SLAMF6: variants seen among roughly 807,000 people sequenced by gnomAD.
SLAMF6 encodes NK-T-B-antigen.
Under a neutral mutation model 38.3 loss-of-function variants are expected in SLAMF6, and 21 were observed. The ratio of observed to expected loss-of-function variants is 0.55; its 90% CI spans 0.39 to 0.79. The LOEUF is 0.79. SLAMF6 is among the 30% of genes least tolerant of loss of function. The probability of loss-of-function intolerance (pLI) is 0.00; values close to 1 mark genes in which losing one functional copy is unlikely to be tolerated. For synonymous variants in SLAMF6, 152 were observed against 146.3 expected, an observed-to-expected ratio of 1.04 and a Z score of -0.28; for missense variants, 341 against 385.3, an observed-to-expected ratio of 0.89 and a Z score of 0.96.
chr1:160,497,440 CTAG>C (rs1473909695), intron 1 of SLAMF6, among the ~76,000 whole-genome samples: 1 of 152,186 alleles, frequency 6.6e-6, no homozygotes, highest in Admixed American at 6.5e-5. Flanking sequence ...TGGAAATGTT[CTAG>C]TGGGTCAATG....
chr1:160,485,073 C>CAT lies in SLAMF6; in HGVS notation c.*1633_*1634insAT, dbSNP rs1332291624. 1 of 152,004 alleles carries CAT rather than the reference C, an allele frequency of 6.6e-6. No individual in the cohort carries two copies. The highest frequency in any genetic ancestry group is 1.5e-5 in the Non-Finnish European group (1 of 68,006). The allele number at this position is 152,004 out of a possible 1,614,324, so 9.4% of individuals were successfully genotyped here. On this transcript the variant is annotated 3_prime_UTR_variant, in exon 8 of 8. Transcript: ENST00000368057. Reference sequence around the variant, plus strand: ...TATTTTATTTATTTATTTTTTGAGACAGAGTCTCACTCTGTCACCCAGACT... The same window carrying CAT: ...TATTTTATTTATTTATTTTTTGAGACATAGAGTCTCACTCTGTCACCCAGACT...
intron 1 of SLAMF6, among the ~76,000 whole-genome samples, chr1:160,504,371 T>C (rs1008714492): frequency 6.6e-6 from 1 of 152,144 alleles, no homozygotes; most frequent in Non-Finnish European, 1.5e-5. Flanking sequence ...AATGTCATGT[T>C]GTACAGCTTA....
intron 1 of SLAMF6, among the ~76,000 whole-genome samples, chr1:160,512,318 C>G: frequency 6.6e-6 from 1 of 152,170 alleles, no homozygotes; most frequent in Admixed American, 6.5e-5. Context: ...GTGGGAATTT[C>G]AGCAACTCCA....
At chr1:160,500,698 C>T (rs969793538) in intron 1 of SLAMF6, among the ~76,000 whole-genome samples, 1 of 152,216 alleles carries the variant, frequency 6.6e-6, no homozygotes, top group African/African-American at 2.4e-5. Context: ...TCTGTTTTGT[C>T]TACTATTGTG....
chr1:160,512,165 C>A (rs1269718934), intron 1 of SLAMF6, among the ~76,000 whole-genome samples: 2 of 152,182 alleles, frequency 1.3e-5, no homozygotes, highest in Admixed American at 6.5e-5. Flanking sequence ...TGCTGCTTTC[C>A]CCTGCCAGTG....
At chr1:160,491,537 C>T (rs765094566) in intron 2 of SLAMF6, 149 bp from the exon 3 acceptor site, 17 of 1,145,884 alleles carry the variant, frequency 1.5e-5, no homozygotes, top group Non-Finnish European at 2.0e-5. Context: ...GCTTATATTG[C>T]CTAATTGATG....
At chr1:160,512,073 T>TCAG (rs1022648820) in intron 1 of SLAMF6, among the ~76,000 whole-genome samples, 13 of 152,266 alleles carry the variant, frequency 8.5e-5, no homozygotes, top group South Asian at 6.2e-4. Context: ...GTGCAGATTC[T>TCAG]CAGCTGCCAC....
At chr1:160,503,190 CA>C (rs1461732403) in intron 1 of SLAMF6, among the ~76,000 whole-genome samples, 5 of 152,026 alleles carry the variant, frequency 3.3e-5, no homozygotes, top group Non-Finnish European at 7.4e-5. Context: ...ATGTTTTTCT[CA>C]AAGTTGTTCT....
chr1:160,519,053 C>A (rs1024609337), intron 1 of SLAMF6, among the ~76,000 whole-genome samples: 1 of 152,096 alleles, frequency 6.6e-6, no homozygotes, highest in African/African-American at 2.4e-5. Flanking sequence ...AAAATATTTT[C>A]AGGTCATGTA....
In SLAMF6 at chr1:160,490,675, A is replaced by C; in HGVS notation, c.657T>G (p.Ile219Met). ...SAQKLCEDVK[I>M]QYTDTKMILF... ...GAATCATTTTGGTATCTGTATATTGAATTTTAACATCTGAAAAGAGAAAAA... is the reference window on the plus strand; with the variant it reads ...GAATCATTTTGGTATCTGTATATTGCATTTTAACATCTGAAAAGAGAAAAA... The change falls in exon 4 of 8, where the codon ATT (isoleucine) becomes ATG (methionine). Residue 219 changes from isoleucine (I) to methionine (M), a missense_variant. Ile to Met is a conservative substitution (Grantham distance 10, BLOSUM62 1). Coordinates refer to ENST00000368057, the MANE Select transcript of SLAMF6 (RefSeq NM_001184714.2). The C allele has an allele frequency of 6.2e-7, 1 of 1,613,070 alleles. No individual in the cohort carries two copies. The highest frequency in any genetic ancestry group is 8.5e-7 in the Non-Finnish European group (1 of 1,179,712).
Position 160,491,208 on chromosome 1 carries a change from G to C in SLAMF6, c.563C>G (p.Ser188Cys). The C allele has an allele frequency of 6.2e-7, 1 of 1,614,090 alleles. No individual in the cohort carries two copies. The highest frequency in any genetic ancestry group is 8.5e-7 in the Non-Finnish European group (1 of 1,179,984). ...TATGCAGGTGTAGTCCTGTTCACTG[G>C]AAATCCTGGGGTCCCAGGAGACAGT... The part of the protein sequence containing the change: ...NLTVSWDPRI[S>C]SEQDYTCIAE... Residue 188 changes from serine (S) to cysteine (C), a missense_variant, in exon 3 of 8, where the codon TCC (serine) becomes TGC (cysteine). Transcript: ENST00000368057.
chr1:160,511,438 T>G (rs1353058522), intron 1 of SLAMF6, among the ~76,000 whole-genome samples: 1 of 152,194 alleles, frequency 6.6e-6, no homozygotes. Flanking sequence ...GCCAGGTGAT[T>G]TTTGACAAGA....
intron 1 of SLAMF6, among the ~76,000 whole-genome samples, chr1:160,512,469 T>TC (rs377143808): frequency 2.6e-5 from 4 of 151,792 alleles, no homozygotes; most frequent in South Asian, 2.1e-4. Context: ...ATAAGTAGGA[T>TC]CCCCCCCACC....
intron 1 of SLAMF6, among the ~76,000 whole-genome samples, chr1:160,510,886 G>A (rs1654437512): frequency 6.6e-6 from 1 of 152,134 alleles, no homozygotes; most frequent in Non-Finnish European, 1.5e-5. Flanking sequence ...ATTCAGCAAA[G>A]TTGCAAGATA....
chr1:160,507,762 A>G (rs1256000364), intron 1 of SLAMF6, among the ~76,000 whole-genome samples: 1 of 152,162 alleles, frequency 6.6e-6, no homozygotes, highest in Non-Finnish European at 1.5e-5. Flanking sequence ...CAAATATGTC[A>G]TAATTAACAT....
At chr1:160,521,286 C>T (rs1330418935) in intron 1 of SLAMF6, among the ~76,000 whole-genome samples, 68 of 152,112 alleles carry the variant, frequency 4.5e-4, no homozygotes, top group African/African-American at 2.4e-5. Flanking sequence ...ATACCCATTT[C>T]CCCCATAAAT....
rs773256870 is a variant in SLAMF6 at position 160,523,203 on chromosome 1, G to A, written c.-11C>T. The A allele has an allele frequency of 2.2e-5, 35 of 1,612,780 alleles. No individual in the cohort carries two copies. The South Asian group carries it at 3.7e-4, about 17-fold the overall frequency. On this transcript the variant is annotated 5_prime_UTR_variant, in exon 1 of 8. Coordinates refer to ENST00000368057, the MANE Select transcript of SLAMF6 (RefSeq NM_001184714.2). ...GAACAGCCACAACATGCTTTCCGCG[G>A]TGAAGACTGGTGCTTGAGACCTTGA...
At chr1:160,523,071 C>T (rs1655061670) in intron 1 of SLAMF6, 73 bp downstream of exon 1, 3 of 1,527,942 alleles carry the variant, frequency 2.0e-6, no homozygotes, top group South Asian at 1.1e-5. Flanking sequence ...TGTATACAGA[C>T]GATTTAGGTT....
chr1:160,493,432 T>C (rs1333899700), intron 2 of SLAMF6, among the ~76,000 whole-genome samples: 1 of 152,196 alleles, frequency 6.6e-6, no homozygotes, highest in East Asian at 1.9e-4. Context: ...CCTTTGTTCA[T>C]ACCATTCAGG....
Sources: allele counts gnomAD v4.1 joint callset (sites outside exome capture counted in the v4.1 genomes callset), GRCh38; gene constraint gnomAD v4.1.1; transcripts MANE v1.5; gene names NCBI Gene and HGNC (gene_info 2026-07-23, HGNC 2026-07-21).